The following SLC22A12 variants were observed in gnomAD, a reference collection of about 807,000 sequenced individuals.
SLC22A12 encodes organic anion transporter 4-like protein.
A neutral mutation model predicts 52.7 loss-of-function variants in SLC22A12; 56 were observed. The ratio of observed to expected loss-of-function variants is 1.06; its 90% CI spans 0.86 to 1.33. The LOEUF is 1.33. Ranked by LOEUF, SLC22A12 falls within the 40% of genes most tolerant of loss-of-function variation. SLC22A12 has a pLI of 0.00. For synonymous variants in SLC22A12, 337 were observed against 324.6 expected, an observed-to-expected ratio of 1.04 and a Z score of -0.41; for missense variants, 683 against 741.5, an observed-to-expected ratio of 0.92 and a Z score of 0.92.
chr11:64,598,658 C>T lies in SLC22A12; in HGVS notation c.954+19C>T, dbSNP rs1012366331. 6.2e-7 allele frequency: 1 copy of T among 1,606,862 alleles called. No homozygotes were observed. The highest frequency in any genetic ancestry group is 1.3e-5 in the African/African-American group (1 of 74,758). ...CCCTGAGGTAAGGCTGGGTCCTCCT[C>T]AAACCCGGACCCTCAGACCCTCTCC... On this transcript the variant is annotated intron_variant, in intron 5 of 9. Coordinates refer to ENST00000377574, the MANE Select transcript of SLC22A12 (RefSeq NM_144585.4).
rs1419926882 is a variant in SLC22A12, at chr11:64,592,796, C to T, written c.420C>T (p.Asp140=). Residue 140 remains aspartate (D), a synonymous_variant, in exon 2 of 10, where the codon GAC becomes GAT. Coordinates refer to ENST00000377574, the MANE Select transcript of SLC22A12 (RefSeq NM_144585.4). ...CCCATCAGTGGAACCTCGTGTGTGACTCTCATGCTCTGAAGCCCATGGCCC... is the reference window on the plus strand; with the variant it reads ...CCCATCAGTGGAACCTCGTGTGTGATTCTCATGCTCTGAAGCCCATGGCCC... The part of the protein sequence containing the change: ...TIVAKWNLVC[D]SHALKPMAQS... The T allele has an allele frequency of 6.2e-7, 1 of 1,613,722 alleles. No homozygotes were observed. The highest frequency in any genetic ancestry group is 2.2e-5 in the East Asian group (1 of 44,880).
intron 4 of SLC22A12, among the ~76,000 whole-genome samples, chr11:64,595,950 GGAT>G (rs2039182809): frequency 1.4e-5 from 1 of 71,188 alleles, no homozygotes; most frequent in Non-Finnish European, 4.3e-5. Flanking sequence ...ATGGATGGAT[GGAT>G]GGATGGATGG....
In SLC22A12 at chr11:64,592,807, T is replaced by C. The variant is rs148915713; in HGVS notation, c.431T>C (p.Leu144Pro). Residue 144 changes from leucine to proline, a missense_variant, in exon 2 of 10, where the codon CTG (leucine) becomes CCG (proline). Transcript: ENST00000377574. ...AACCTCGTGTGTGACTCTCATGCTC[T>C]GAAGCCCATGGCCCAGTCCATCTAC... Reference protein sequence around the residue: ...KWNLVCDSHALKPMAQSIYLA... With the variant: ...KWNLVCDSHAPKPMAQSIYLA... 337 of 1,613,872 alleles carry C rather than the reference T, an allele frequency of 2.1e-4. No individual in the cohort carries two copies. Among genetic ancestry groups the C allele is most frequent in the Non-Finnish European group, 2.7e-4 (319 of 1,180,008 alleles).
intron 2 of SLC22A12, 21 bp downstream of exon 2, chr11:64,592,903 CA>C (rs1243078280): frequency 6.2e-7 from 1 of 1,601,712 alleles, no homozygotes; most frequent in African/African-American, 1.3e-5. Context: ...CCAGTCCAGG[CA>C]GGTCCCAGTT....
At chr11:64,595,682 G>A (rs1314714714) in intron 4 of SLC22A12, among the ~76,000 whole-genome samples, 5 of 149,210 alleles carry the variant, frequency 3.4e-5, no homozygotes, top group Non-Finnish European at 7.4e-5. Flanking sequence ...ATAGATGGAT[G>A]GATGGATGGT....
Position 64,600,816 on chromosome 11 carries a change from T to C in SLC22A12, c.1476T>C (p.His492=), listed in dbSNP as rs200072517. 94 of 1,606,830 alleles carry C rather than the reference T, an allele frequency of 5.9e-5. No homozygotes were observed. The East Asian group carries it at 6.9e-4, about 12-fold the overall frequency. ...CTCTGGTCCGGCTGCTGGGTGTCCA[T>C]GGCCCCTGGCTGCCCTTGCTGGTGT... ...LGPLVRLLGV[H]GPWLPLLVYG... The change falls in exon 9 of 10, where the codon CAT becomes CAC. Residue 492 remains histidine (H), a synonymous_variant. Coordinates refer to ENST00000377574, the MANE Select transcript of SLC22A12 (RefSeq NM_144585.4).
intron 1 of SLC22A12, 109 bp from the exon 2 acceptor site, chr11:64,592,670 C>A: frequency 1.1e-6 from 1 of 888,484 alleles, no homozygotes; most frequent in Non-Finnish European, 1.9e-6. Flanking sequence ...TAGAGGTCAC[C>A]AGACCACCCA....
chr11:64,598,832 G>A lies in SLC22A12; in HGVS notation c.979G>A (p.Glu327Lys). ...GGTCTTGCTTTCAGCCATGCGGGAG[G>A]AGCTGAGCATGGGCCAGCCTCCTGC... is the stretch of plus-strand genomic sequence containing the variant. ...PEVLLSAMRE[E>K]LSMGQPPASL... Residue 327 changes from glutamate to lysine, a missense_variant, in exon 6 of 10, where the codon GAG (glutamate) becomes AAG (lysine). Transcript: ENST00000377574. The A allele has an allele frequency of 6.2e-7, 1 of 1,612,596 alleles. No homozygotes were observed. The highest frequency in any genetic ancestry group is 8.5e-7 in the Non-Finnish European group (1 of 1,179,978).
At chr11:64,600,007 C>A in intron 7 of SLC22A12, 117 bp downstream of exon 7, 1 of 1,291,534 alleles carries the variant, frequency 7.7e-7, no homozygotes, top group Non-Finnish European at 1.1e-6. Flanking sequence ...AGGAAGGAGG[C>A]TGCCGGAGCC....
chr11:64,592,712 C>T (rs2038959056), intron 1 of SLC22A12, 67 bp from the exon 2 acceptor site: 8 of 1,346,354 alleles, frequency 5.9e-6, no homozygotes, highest in South Asian at 4.7e-5. Flanking sequence ...CCCTCCCATG[C>T]GGTTCCTCTG....
At chr11:64,599,596 C>CCCCCCCCCTTGTT in intron 6 of SLC22A12, 80 bp from the exon 7 acceptor site, 31 of 693,494 alleles carry the variant, frequency 4.5e-5, no homozygotes, top group South Asian at 2.5e-4. Flanking sequence ...CCTGAGCCCC[C>CCCCCCCCCTTGTT]ACCGCCCATT....
intron 4 of SLC22A12, among the ~76,000 whole-genome samples, chr11:64,595,662 G>A (rs1175244689): frequency 1.3e-5 from 2 of 149,772 alleles, no homozygotes; most frequent in Non-Finnish European, 3.0e-5. Context: ...TGAAAGGATG[G>A]ATGGTTGTAA....
At chr11:64,593,128 C>T (rs920541363) in intron 2 of SLC22A12, among the ~76,000 whole-genome samples, 15 of 152,264 alleles carry the variant, frequency 9.9e-5, no homozygotes, top group African/African-American at 3.6e-4. Context: ...CCCCAGCAAA[C>T]ATTCACTGCT....
rs377550586 is a variant in SLC22A12, at chr11:64,598,795, C to A, written c.955-13C>A. On this transcript the variant is annotated splice_polypyrimidine_tract_variant and intron_variant, in intron 5 of 9. Coordinates refer to ENST00000377574, the MANE Select transcript of SLC22A12 (RefSeq NM_144585.4). ...GCCCCCAGTGCCAACAGCACCCACC[C>A]CCGCCTCCACAGGTCTTGCTTTCAG... 3 of 1,612,262 alleles carry A rather than the reference C, an allele frequency of 1.9e-6. No homozygotes were observed. Among genetic ancestry groups the A allele is most frequent in the Middle Eastern group, 3.3e-4 (2 of 6,060 alleles).
chr11:64,595,350 AATGG>A (rs796558193), intron 4 of SLC22A12, among the ~76,000 whole-genome samples: 16,382 of 58,090 alleles, frequency 0.28, 3,852 homozygotes, highest in East Asian at 0.58. Flanking sequence ...TGGATGGTTG[AATGG>A]ATGGATGGAT....
At chr11:64,595,048 G>GTGGA (rs199516888) in intron 4 of SLC22A12, among the ~76,000 whole-genome samples, 6,821 of 51,158 alleles carry the variant, frequency 0.13, 1,326 homozygotes, top group East Asian at 0.21. Context: ...GGATGGATGG[G>GTGGA]TGGATGGATG....
chr11:64,597,295 G>A lies in SLC22A12; in HGVS notation c.831-1221G>A, dbSNP rs941235486. ...CCCTCAGGCAGCCTCACCCCTGCCTGCAGCCCCAGCTCCCTCCAAATACTG... is the reference window on the plus strand; with the variant it reads ...CCCTCAGGCAGCCTCACCCCTGCCTACAGCCCCAGCTCCCTCCAAATACTG... On this transcript the variant is annotated intron_variant, in intron 4 of 9. Coordinates refer to ENST00000377574, the MANE Select transcript of SLC22A12 (RefSeq NM_144585.4). Among the ~76,000 whole-genome samples, 32 of 152,112 alleles carry A rather than the reference G, an allele frequency of 2.1e-4. 1 individual carries two copies. The highest frequency in any genetic ancestry group is 7.7e-4 in the African/African-American group (32 of 41,482).
chr11:64,593,345 G>T, intron 2 of SLC22A12, 60 bp from the exon 3 acceptor site: 1 of 1,612,196 alleles, frequency 6.2e-7, no homozygotes, highest in Non-Finnish European at 8.5e-7. Flanking sequence ...GTGTTCCAGA[G>T]CCCCGTGGCC....
intron 9 of SLC22A12, 80 bp from the exon 10 acceptor site, chr11:64,601,408 G>A (rs2135473009): frequency 2.8e-6 from 4 of 1,437,392 alleles, no homozygotes; most frequent in Non-Finnish European, 3.9e-6. Context: ...GCATTCCCTG[G>A]AGTCCTTGGG....
Sources: gnomAD v4.1 joint callset for allele counts (sites outside exome capture counted in the v4.1 genomes callset) on GRCh38, gnomAD v4.1.1 for gene constraint, MANE v1.5 for transcripts, NCBI Gene and HGNC (gene_info 2026-07-23, HGNC 2026-07-21) for gene names.